The following PCDH9 variants were observed in gnomAD, a reference collection of about 807,000 sequenced individuals.
The protein encoded by PCDH9 is protocadherin 9, also known as protocadherin-9.
Under a neutral mutation model 70.6 loss-of-function variants are expected in PCDH9, and 24 were observed. The observed-to-expected ratio is 0.34, with a 90% CI of 0.25 to 0.48. The LOEUF is 0.48. PCDH9 is among the 20% of genes least tolerant of loss of function. The probability of loss-of-function intolerance (pLI) is 0.99; values close to 1 mark genes in which losing one functional copy is unlikely to be tolerated. For missense variants in PCDH9, 1,281 were observed against 1,503.6 expected (o/e 0.85, Z 2.45); for synonymous variants, 562 against 558.5 (o/e 1.01, Z -0.09).
intron 4 of PCDH9, among the ~76,000 whole-genome samples, chr13:66,627,799 C>A (rs542200581): frequency 6.6e-6 from 1 of 152,142 alleles, no homozygotes; most frequent in Non-Finnish European, 1.5e-5. Context: ...GGTAAAAACT[C>A]TAGAGATTTC....
intron 2 of PCDH9, among the ~76,000 whole-genome samples, chr13:67,097,543 T>C (rs1032541106): frequency 1.3e-5 from 2 of 152,204 alleles, no homozygotes; most frequent in African/African-American, 2.4e-5. Flanking sequence ...ACAAATTATG[T>C]CTATAACAGT....
chr13:66,777,099 C>T (rs2079908708), intron 3 of PCDH9, among the ~76,000 whole-genome samples: 1 of 150,474 alleles, frequency 6.6e-6, no homozygotes, highest in Non-Finnish European at 1.5e-5. Context: ...GAAACTGGAT[C>T]CCTTCCTTAC....
chr13:66,737,383 A>C (rs1332022813), intron 3 of PCDH9, among the ~76,000 whole-genome samples: 5 of 152,172 alleles, frequency 3.3e-5, no homozygotes, highest in Admixed American at 6.6e-5. Flanking sequence ...TCAGAACTTA[A>C]TTAAAAGTTA....
intron 2 of PCDH9, among the ~76,000 whole-genome samples, chr13:67,119,003 AG>A (rs1422154722): frequency 6.6e-6 from 1 of 152,174 alleles, no homozygotes; most frequent in African/African-American, 2.4e-5. Context: ...TTGCAGTAGC[AG>A]GTGGTTTATA....
chr13:66,544,525 A>G (rs1386899999), intron 4 of PCDH9, among the ~76,000 whole-genome samples: 4 of 152,172 alleles, frequency 2.6e-5, no homozygotes, highest in Admixed American at 6.6e-5. Flanking sequence ...GGTGTTAGGA[A>G]TCTTTTATTG....
chr13:66,883,751 T>C (rs948167699), intron 3 of PCDH9, among the ~76,000 whole-genome samples: 2 of 152,204 alleles, frequency 1.3e-5, no homozygotes, highest in African/African-American at 2.4e-5. Context: ...GTTTGCTTGT[T>C]TGTCGCTGCT....
At chr13:66,994,407 A>G (rs1342962234) in intron 2 of PCDH9, among the ~76,000 whole-genome samples, 1 of 152,152 alleles carries the variant, frequency 6.6e-6, no homozygotes, top group East Asian at 1.9e-4. Context: ...GGCCAAACTT[A>G]TTAAGAAGCC....
intron 3 of PCDH9, among the ~76,000 whole-genome samples, chr13:66,774,792 T>C (rs770417727): frequency 1.2e-4 from 18 of 152,202 alleles, no homozygotes; most frequent in Non-Finnish European, 2.2e-4. Context: ...ATTACAATTA[T>C]CCCTGTCCTC....
intron 3 of PCDH9, among the ~76,000 whole-genome samples, chr13:66,745,059 T>C (rs980707404): frequency 6.6e-6 from 1 of 152,194 alleles, no homozygotes; most frequent in Non-Finnish European, 1.5e-5. Flanking sequence ...ATTTACTTTT[T>C]GTGTGAGCCT....
chr13:66,642,149 A>G (rs926369251), intron 3 of PCDH9, among the ~76,000 whole-genome samples: 1 of 152,100 alleles, frequency 6.6e-6, no homozygotes, highest in Non-Finnish European at 1.5e-5. Context: ...CAATACAAAC[A>G]TGCTATATGT....
chr13:67,107,796 T>C (rs2086577332), intron 2 of PCDH9, among the ~76,000 whole-genome samples: 1 of 152,146 alleles, frequency 6.6e-6, no homozygotes, highest in South Asian at 2.1e-4. Context: ...CTCACCATAT[T>C]GCAGGCAACA....
Position 67,117,854 on chromosome 13 carries a change from T to C in PCDH9, c.3036+107551A>G, listed in dbSNP as rs566943977. Reference sequence around the variant, plus strand: ...TAACTGATTTGAGGATTTGAAGATATCCCACAAAATACAAGAACTACTCAG... The same window carrying C: ...TAACTGATTTGAGGATTTGAAGATACCCCACAAAATACAAGAACTACTCAG... On this transcript the variant is annotated intron_variant, in intron 2 of 4. Coordinates refer to ENST00000377865, the MANE Select transcript of PCDH9 (RefSeq NM_203487.3). Among the ~76,000 whole-genome samples, 36 of 152,190 alleles carry C rather than the reference T, an allele frequency of 2.4e-4. No individual in the cohort carries two copies. In the South Asian group the frequency reaches 4.2e-3, roughly 18 times the overall value.
chr13:66,670,789 C>G (rs916310447), intron 3 of PCDH9, among the ~76,000 whole-genome samples: 1 of 151,594 alleles, frequency 6.6e-6, no homozygotes, highest in Non-Finnish European at 1.5e-5. Context: ...ATGTGTTCCC[C>G]CAGTCCTAAG....
At chr13:67,201,982 GT>G (rs1191781279) in intron 2 of PCDH9, 2 of 151,878 alleles carry the variant, frequency 1.3e-5, no homozygotes, top group Non-Finnish European at 2.9e-5. Context: ...TTTGCACATA[GT>G]TACACATGGC....
chr13:67,109,647 G>A (rs2086616549), intron 2 of PCDH9, among the ~76,000 whole-genome samples: 1 of 152,100 alleles, frequency 6.6e-6, no homozygotes, highest in South Asian at 2.1e-4. Flanking sequence ...ATTATGACAT[G>A]AGAATTATTT....
intron 4 of PCDH9, among the ~76,000 whole-genome samples, chr13:66,448,792 C>T (rs1207431160): frequency 1.3e-5 from 2 of 151,832 alleles, no homozygotes; most frequent in Non-Finnish European, 2.9e-5. Context: ...TTTTGAATTT[C>T]AAATAAGTTT....
At chr13:67,149,604 G>A (rs9571722) in intron 2 of PCDH9, among the ~76,000 whole-genome samples, 3 of 151,944 alleles carry the variant, frequency 2.0e-5, no homozygotes, top group Admixed American at 6.6e-5. Context: ...TAATGGTCAC[G>A]AATTTTTATT....
intron 2 of PCDH9, among the ~76,000 whole-genome samples, chr13:67,123,903 A>G (rs1387009181): frequency 6.6e-6 from 1 of 151,756 alleles, no homozygotes; most frequent in Non-Finnish European, 1.5e-5. Context: ...ATTTCAGATT[A>G]ATTAGTGAGA....
At chr13:67,110,013 G>T (rs184385108) in intron 2 of PCDH9, among the ~76,000 whole-genome samples, 2 of 151,834 alleles carry the variant, frequency 1.3e-5, no homozygotes, top group Non-Finnish European at 2.9e-5. Flanking sequence ...GAAATACATC[G>T]GTCCTTGATT....
Sources: allele counts gnomAD v4.1 joint callset (sites outside exome capture counted in the v4.1 genomes callset), GRCh38; gene constraint gnomAD v4.1.1; transcripts MANE v1.5; gene names NCBI Gene and HGNC (gene_info 2026-07-23, HGNC 2026-07-21).